NOX4: variants seen among roughly 807,000 people sequenced by gnomAD.
NOX4 encodes NADPH oxidase 4.
NOX4 carries 69 observed loss-of-function variants against 87.6 expected under a neutral mutation model. The ratio of observed to expected loss-of-function variants is 0.79; its 90% CI spans 0.65 to 0.96. The LOEUF is 0.96. NOX4 is among the 40% of genes least tolerant of loss of function. NOX4 has a pLI of 0.00. For synonymous variants in NOX4, 275 were observed against 238.2 expected, an observed-to-expected ratio of 1.15 and a Z score of -1.42; for missense variants, 680 against 681.5, an observed-to-expected ratio of 1.00 and a Z score of 0.02.
At chr11:89,379,887 A>T in intron 11 of NOX4, among the ~76,000 whole-genome samples, 1 of 152,004 alleles carries the variant, frequency 6.6e-6, no homozygotes, top group Non-Finnish European at 1.5e-5. Context: ...TCCTAACTGG[A>T]CCCCCTGTTT....
chr11:89,527,449 G>A, the NOX4 span, among the ~76,000 whole-genome samples: 1 of 152,156 alleles, frequency 6.6e-6, no homozygotes, highest in Admixed American at 6.5e-5. Flanking sequence ...TGTCTCCAGG[G>A]CATGTCAAGG....
At chr11:89,407,179 T>G (rs894771236) in intron 8 of NOX4, among the ~76,000 whole-genome samples, 1 of 152,148 alleles carries the variant, frequency 6.6e-6, no homozygotes, top group African/African-American at 2.4e-5. Context: ...AACACATAAT[T>G]TGTTTTAATA....
In NOX4 at chr11:89,327,849, G is replaced by A. The variant is rs544910246; in HGVS notation, c.1617-973C>T. 9.9e-5 allele frequency among the ~76,000 whole-genome samples: 15 copies of A among 151,966 alleles called. No homozygotes were observed. The East Asian group carries it at 1.7e-3, about 18-fold the overall frequency. On this transcript the variant is annotated intron_variant, in intron 17 of 17. Transcript: ENST00000263317. ...GAATTTTACTTGCAGCCATGATGGG[G>A]TAATAGGGAGTAGATCTACCCTTTT...
intron 3 of NOX4, among the ~76,000 whole-genome samples, chr11:89,451,391 C>T (rs1409087451): frequency 1.3e-5 from 2 of 152,114 alleles, no homozygotes; most frequent in Non-Finnish European, 2.9e-5. Flanking sequence ...TGAGACAAGA[C>T]ATAATGGAAA....
At chr11:89,382,834 G>A (rs1323086861) in intron 11 of NOX4, among the ~76,000 whole-genome samples, 1 of 152,070 alleles carries the variant, frequency 6.6e-6, no homozygotes, top group Non-Finnish European at 1.5e-5. Context: ...TAAAGGCATA[G>A]TCAAGGTTAA....
rs1470240995 is a variant in NOX4, at chr11:89,490,526, GC to G, written c.84del (p.Leu29PhefsTer24). On this transcript the variant is annotated frameshift_variant, in exon 2 of 18. Transcript: ENST00000263317. LOFTEE classifies it high-confidence loss of function. ...TACAGCAAGAAGGTTTTCCAGAAAA[GC>G]AGGACATTCATGGAGAGCCAGATGA... is the stretch of plus-strand genomic sequence containing the variant. The part of the protein sequence containing the change: ...CLFIWLSMNV[L>X]LFWKTFLLYN... The G allele has an allele frequency of 6.2e-7, 1 of 1,614,028 alleles. No homozygotes were observed. The highest frequency in any genetic ancestry group is 1.1e-5 in the South Asian group (1 of 91,086).
chr11:89,537,258 C>G, the NOX4 span, among the ~76,000 whole-genome samples: 1 of 151,992 alleles, frequency 6.6e-6, no homozygotes, highest in East Asian at 1.9e-4. Flanking sequence ...TGATGTTAAG[C>G]AAACATTATG....
intron 12 of NOX4, among the ~76,000 whole-genome samples, chr11:89,359,110 C>G (rs543918784): frequency 1.3e-5 from 2 of 152,186 alleles, no homozygotes; most frequent in East Asian, 1.9e-4. Flanking sequence ...TTATGAGGCC[C>G]TTAGACCTGG....
intron 2 of NOX4, among the ~76,000 whole-genome samples, chr11:89,465,778 C>A (rs914739001): frequency 1.3e-5 from 2 of 151,312 alleles, no homozygotes; most frequent in East Asian, 1.9e-4. Flanking sequence ...TAAATGTCTT[C>A]TTTTAAGAAG....
chr11:89,476,561 C>T lies in NOX4; in HGVS notation c.153+13897G>A, dbSNP rs952770140. On this transcript the variant is annotated intron_variant, in intron 2 of 17. Coordinates refer to ENST00000263317, the MANE Select transcript of NOX4 (RefSeq NM_016931.5). The stretch of plus-strand genomic sequence containing the variant: ...CCTATAACAAGTAACTAAAAAAATG[C>T]TATTTTTTAAACAAAATGAACAACT... Among the ~76,000 whole-genome samples the T allele has an allele frequency of 1.6e-4, 24 of 152,092 alleles. 1 individual carries two copies. The highest frequency in any genetic ancestry group is 3.9e-4 in the Admixed American group (6 of 15,288).
chr11:89,574,155 C>T, the NOX4 span, among the ~76,000 whole-genome samples: 2 of 152,110 alleles, frequency 1.3e-5, no homozygotes, highest in Non-Finnish European at 2.9e-5. Flanking sequence ...ATTGTCAAAC[C>T]ATCACTTGAC....
At chr11:89,435,292 T>C (rs569174102) in intron 6 of NOX4, among the ~76,000 whole-genome samples, 2 of 152,076 alleles carry the variant, frequency 1.3e-5, no homozygotes, top group African/African-American at 2.4e-5. Context: ...CAATATTTTA[T>C]TGGGCCTTTA....
At chr11:89,413,510 C>T (rs1942596701) in intron 8 of NOX4, among the ~76,000 whole-genome samples, 1 of 152,028 alleles carries the variant, frequency 6.6e-6, no homozygotes, top group Admixed American at 6.6e-5. Flanking sequence ...AAAAGGAGAT[C>T]CTCTCATTTT....
chr11:89,497,642 T>C (rs1041683595), intron 1 of NOX4, among the ~76,000 whole-genome samples: 2 of 152,186 alleles, frequency 1.3e-5, no homozygotes, highest in African/African-American at 2.4e-5. Flanking sequence ...TATTTATACA[T>C]TTATTGATGA....
chr11:89,382,042 GAC>G, intron 11 of NOX4, among the ~76,000 whole-genome samples: 1 of 152,214 alleles, frequency 6.6e-6, no homozygotes, highest in Non-Finnish European at 1.5e-5. Context: ...TCACTGTGGG[GAC>G]ACCTGTCTGA....
At chr11:89,467,691 G>A (rs978440037) in intron 2 of NOX4, among the ~76,000 whole-genome samples, 3 of 152,116 alleles carry the variant, frequency 2.0e-5, no homozygotes, top group East Asian at 1.9e-4. Context: ...TCACCCAAAG[G>A]CTCCACTTCC....
At chr11:89,531,528 T>C in the NOX4 span, among the ~76,000 whole-genome samples, 35 of 152,304 alleles carry the variant, frequency 2.3e-4, no homozygotes, top group African/African-American at 7.7e-4. Context: ...CCAAATCTCA[T>C]CTCAAATTGT....
chr11:89,369,951 C>T (rs181293883), intron 12 of NOX4, among the ~76,000 whole-genome samples: 36 of 151,832 alleles, frequency 2.4e-4, no homozygotes, highest in Admixed American at 5.9e-4. Flanking sequence ...ACTTTAAACA[C>T]GTAACACATG....
At chr11:89,389,487 C>T (rs1333710103) in intron 11 of NOX4, among the ~76,000 whole-genome samples, 1 of 152,008 alleles carries the variant, frequency 6.6e-6, no homozygotes, top group Non-Finnish European at 1.5e-5. Flanking sequence ...CTAACTGGCA[C>T]AGTATATGAA....
Sources: gnomAD v4.1 joint callset for allele counts (sites outside exome capture counted in the v4.1 genomes callset) on GRCh38, gnomAD v4.1.1 for gene constraint, MANE v1.5 for transcripts, NCBI Gene and HGNC (gene_info 2026-07-23, HGNC 2026-07-21) for gene names.